ANGEL2: variants seen among roughly 807,000 people sequenced by gnomAD.
ANGEL2 encodes angel homolog 2, also known as RNA 2',3'-cyclic phosphatase ANGEL2.
A neutral mutation model predicts 66.0 loss-of-function variants in ANGEL2; 41 were observed. That is an observed-to-expected ratio of 0.62 (90% confidence interval 0.48 to 0.81). The LOEUF (loss-of-function observed/expected upper bound fraction) is 0.81. Among genes scored for constraint, ANGEL2 ranks in the 30% least tolerant of loss-of-function variants. The pLI is 0.00. For missense variants in ANGEL2, 561 were observed against 641.6 expected, an observed-to-expected ratio of 0.87 and a Z score of 1.36; for synonymous variants, 208 against 226.5, an observed-to-expected ratio of 0.92 and a Z score of 0.73.
chr1:213,014,634 A>G (rs1478142117), intron 1 of ANGEL2, among the ~76,000 whole-genome samples: 1 of 152,204 alleles, frequency 6.6e-6, no homozygotes, highest in Non-Finnish European at 1.5e-5. Flanking sequence ...ATTTATTCAG[A>G]CTTTTTTTTC....
chr1:213,015,110 G>A (rs779599457), intron 1 of ANGEL2: 26 of 986,908 alleles, frequency 2.6e-5, no homozygotes, highest in Non-Finnish European at 3.1e-5. Context: ...TAACAGTAAG[G>A]GATGACATAC....
chr1:213,015,181 G>C, intron 1 of ANGEL2: 1 of 1,023,942 alleles, frequency 9.8e-7, no homozygotes, highest in Non-Finnish European at 1.2e-6. Context: ...TCCTGGGCGT[G>C]TGCCACACAC....
intron 2 of ANGEL2, among the ~76,000 whole-genome samples, chr1:213,010,663 C>T (rs2148175040): frequency 6.6e-6 from 1 of 151,878 alleles, no homozygotes; most frequent in South Asian, 2.1e-4. Flanking sequence ...AAATCAAAGT[C>T]TTCTTATGTA....
intron 8 of ANGEL2, among the ~76,000 whole-genome samples, chr1:212,996,638 A>ATATAC (rs56112652): frequency 2.8e-4 from 15 of 53,160 alleles, no homozygotes; most frequent in Non-Finnish European, 5.5e-4. Flanking sequence ...AAAAAAAAAA[A>ATATAC]AAATATATAT....
chr1:213,000,224 G>A (rs930387048), intron 7 of ANGEL2, 102 bp downstream of exon 7: 3 of 1,130,464 alleles, frequency 2.7e-6, no homozygotes, highest in Non-Finnish European at 2.6e-6. Context: ...CACCAGCACG[G>A]AATACTATCA....
intron 7 of ANGEL2, among the ~76,000 whole-genome samples, 189 bp from the exon 8 acceptor site, chr1:212,997,507 G>A (rs1367807617): frequency 6.6e-6 from 1 of 152,078 alleles, no homozygotes; most frequent in Non-Finnish European, 1.5e-5. Context: ...CATCAATAAA[G>A]CCATTATAAA....
chr1:213,015,118 T>C (rs2076607039), intron 1 of ANGEL2: 3 of 989,860 alleles, frequency 3.0e-6, no homozygotes, highest in Admixed American at 6.1e-5. Context: ...AGGGATGACA[T>C]ACAAGTGACT....
rs1229953815 is a variant in ANGEL2, at chr1:213,006,381, G to A, written c.712+748C>T. On this transcript the variant is annotated intron_variant, in intron 4 of 8. Coordinates refer to ENST00000366962, the MANE Select transcript of ANGEL2 (RefSeq NM_144567.5). ...AGGGAGCCTGAGGCAGGAGAATGGC[G>A]TGAACCTGGGAGGTGGAGCTTGCAG... 5.3e-5 allele frequency among the ~76,000 whole-genome samples: 8 copies of A among 151,250 alleles called. No individual in the cohort carries two copies. In the South Asian group the frequency reaches 1.5e-3, roughly 28 times the overall value.
rs2076156628 is a variant in ANGEL2, at chr1:213,000,790, CTT to C, written c.1255_1256del (p.Lys419AspfsTer4). 1 of 1,604,984 alleles carries C rather than the reference CTT, an allele frequency of 6.2e-7. No homozygotes were observed. The highest frequency in any genetic ancestry group is 1.3e-5 in the African/African-American group (1 of 74,488). On this transcript the variant is annotated frameshift_variant, in exon 6 of 9. Transcript: ENST00000366962. LOFTEE classifies it high-confidence loss of function. ...YEVQQVPKVE[K>X]TDSDLTQTQL... ...AAATGTATTACAAACACTTACCTGT[CTT>C]TTCTACTTTTGGTACCTGCTGTACC...
At chr1:213,005,536 A>C (rs1049637315) in intron 4 of ANGEL2, 82 bp from the exon 5 acceptor site, 1 of 1,352,498 alleles carries the variant, frequency 7.4e-7, no homozygotes, top group Non-Finnish European at 1.0e-6. Flanking sequence ...CTTCTGAACA[A>C]TGTTTACCAA....
Position 212,992,603 on chromosome 1 carries a change from T to C in ANGEL2, c.*2438A>G, listed in dbSNP as rs1010213848. ...TTTAAAAACCTGTGAGAAGCTCACATTGACTTTTTGGCCTCCAGTCCACAA... is the reference window on the plus strand; with the variant it reads ...TTTAAAAACCTGTGAGAAGCTCACACTGACTTTTTGGCCTCCAGTCCACAA... On this transcript the variant is annotated 3_prime_UTR_variant, in exon 9 of 9. Transcript: ENST00000366962. 3.3e-5 allele frequency: 5 copies of C among 152,366 alleles called. No homozygotes were observed. In the East Asian group the frequency reaches 7.7e-4, roughly 23 times the overall value. 9.4% of individuals were successfully genotyped at this position (152,366 alleles called of 1,614,324 possible). A position where few individuals can be genotyped will look rare whatever the true frequency, so the allele number is the denominator to read the frequency against.
chr1:212,994,722 A>G lies in ANGEL2; in HGVS notation c.*319T>C, dbSNP rs1339571307. 1.8e-5 allele frequency: 3 copies of G among 165,522 alleles called. No homozygotes were observed. Among genetic ancestry groups the G allele is most frequent in the Non-Finnish European group, 3.9e-5 (3 of 77,306 alleles). 10.3% of individuals were successfully genotyped at this position (165,522 alleles called of 1,614,324 possible). On this transcript the variant is annotated 3_prime_UTR_variant, in exon 9 of 9. Transcript: ENST00000366962. The stretch of plus-strand genomic sequence containing the variant: ...GAGCTTGCCAAAATTATGAAATGAA[A>G]TTTTTTACTAAGCAGACAAAGGAAG...
chr1:213,015,220 A>G (rs2076610479), intron 1 of ANGEL2: 1 of 1,055,894 alleles, frequency 9.5e-7, no homozygotes, highest in African/African-American at 1.7e-5. Flanking sequence ...GCCCGCCGAG[A>G]CCTACTGCGG....
rs1236663224 is a variant in ANGEL2, at chr1:212,994,178, G to A, written c.*863C>T. ...TGCCTGTAATCCCAGCTACTCGAGAGGCTGAGGCAGGAGAATCGCTTGAGC... is the reference window on the plus strand; with the variant it reads ...TGCCTGTAATCCCAGCTACTCGAGAAGCTGAGGCAGGAGAATCGCTTGAGC... On this transcript the variant is annotated 3_prime_UTR_variant, in exon 9 of 9. Transcript: ENST00000366962. 2.0e-5 allele frequency: 3 copies of A among 152,268 alleles called. No individual in the cohort carries two copies. Among genetic ancestry groups the A allele is most frequent in the Non-Finnish European group, 4.4e-5 (3 of 68,106 alleles). The allele number at this position is 152,268 out of a possible 1,614,324, so 9.4% of individuals were successfully genotyped here. A position where few individuals can be genotyped will look rare whatever the true frequency, so the allele number is the denominator to read the frequency against.
At chr1:213,002,902 C>T (rs1369623999) in intron 5 of ANGEL2, among the ~76,000 whole-genome samples, 6 of 145,824 alleles carry the variant, frequency 4.1e-5, no homozygotes, top group South Asian at 2.2e-4. Context: ...TGGGCAACAG[C>T]GCGAGATCCT....
At chr1:213,001,071 C>T in intron 5 of ANGEL2, 159 bp from the exon 6 acceptor site, 1 of 646,076 alleles carries the variant, frequency 1.5e-6, no homozygotes, top group Non-Finnish European at 2.5e-6. Context: ...ATCTTCTTTT[C>T]TTTAAATACA....
chr1:213,012,861 C>CTA (rs2076542854), intron 2 of ANGEL2, among the ~76,000 whole-genome samples: 2 of 152,136 alleles, frequency 1.3e-5, no homozygotes, highest in Non-Finnish European at 2.9e-5. Flanking sequence ...CAATCTTATT[C>CTA]TATCTGTAGA....
rs1426862221 is a variant in ANGEL2, at chr1:213,015,768, C to G, written c.-97G>C. The G allele has an allele frequency of 2.0e-6, 3 of 1,537,570 alleles. No individual in the cohort carries two copies. Among genetic ancestry groups the G allele is most frequent in the Non-Finnish European group, 2.7e-6 (3 of 1,117,848 alleles). On this transcript the variant is annotated 5_prime_UTR_variant, in exon 1 of 9. Coordinates refer to ENST00000366962, the MANE Select transcript of ANGEL2 (RefSeq NM_144567.5). ...CTAAAGTATCTAGGGAACCCCATCA[C>G]TCTTAAGTACCGACTCCAGTCCTGG...
chr1:213,015,537 TTA>T, intron 1 of ANGEL2, 74 bp downstream of exon 1: 1 of 464,240 alleles, frequency 2.2e-6, no homozygotes, highest in Non-Finnish European at 2.9e-6. Context: ...CCGCCCCGGG[TTA>T]GTCCCGGACG....
Sources: allele counts gnomAD v4.1 joint callset (sites outside exome capture counted in the v4.1 genomes callset), GRCh38; gene constraint gnomAD v4.1.1; transcripts MANE v1.5; gene names NCBI Gene and HGNC (gene_info 2026-07-23, HGNC 2026-07-21).